Variants in ADAMTSL1 observed in about 807,000 individuals in gnomAD.
The protein encoded by ADAMTSL1 is ADAMTS-like protein 1.
Under a neutral mutation model 201.8 loss-of-function variants are expected in ADAMTSL1, and 126 were observed. The observed-to-expected ratio is 0.62, with a 90% CI of 0.54 to 0.72. ADAMTSL1 has a LOEUF of 0.72. Among genes scored for constraint, ADAMTSL1 ranks in the 30% least tolerant of loss-of-function variants. ADAMTSL1 has a pLI of 0.00. For missense variants in ADAMTSL1, 2,679 were observed against 2,277.8 expected, an observed-to-expected ratio of 1.18 and a Z score of -3.59; for synonymous variants, 1,121 against 903.4, an observed-to-expected ratio of 1.24 and a Z score of -4.32.
rs541032525 is a variant in ADAMTSL1 at position 18,782,920 on chromosome 9, G to A, written c.3677+5014G>A. Among the ~76,000 whole-genome samples the A allele has an allele frequency of 8.3e-4, 127 of 152,344 alleles. 1 individual carries two copies. Among genetic ancestry groups the A allele is most frequent in the African/African-American group, 2.9e-3 (121 of 41,576 alleles). On this transcript the variant is annotated intron_variant, in intron 19 of 28. Transcript: ENST00000380548. ...GAGGCAAAAGGTAGAGGTGGTATGG[G>A]ATGAGGTTGTGAGGGTAACTGGAGA...
chr9:17,987,087 TA>T (rs916969958), intron 1 of ADAMTSL1, among the ~76,000 whole-genome samples: 1 of 152,104 alleles, frequency 6.6e-6, no homozygotes, highest in Non-Finnish European at 1.5e-5. Flanking sequence ...TTAGTGAGAA[TA>T]ACTTCTTTTA....
chr9:18,550,204 C>A (rs969628620), intron 3 of ADAMTSL1, among the ~76,000 whole-genome samples: 2 of 151,952 alleles, frequency 1.3e-5, no homozygotes, highest in Non-Finnish European at 2.9e-5. Context: ...GTCCTGATCC[C>A]TGAAACTTGT....
Position 18,906,740 on chromosome 9 carries a change from G to T in ADAMTSL1, c.5010G>T (p.Trp1670Cys). ...GGTCAGAGGCCTGCAGTGTACACTGGAGAGTCAGCCTGTGGACCCTGTGCA... is the reference window on the plus strand; with the variant it reads ...GGTCAGAGGCCTGCAGTGTACACTGTAGAGTCAGCCTGTGGACCCTGTGCA... ...NCWSEACSVH[W>C]RVSLWTLCTA... Residue 1670 changes from tryptophan (W) to cysteine (C), a missense_variant, in exon 28 of 29, where the codon TGG (tryptophan) becomes TGT (cysteine). By Grantham distance (215) the Trp-to-Cys change is radical. Coordinates refer to ENST00000380548, the MANE Select transcript of ADAMTSL1 (RefSeq NM_001040272.6). The T allele has an allele frequency of 1.2e-6, 2 of 1,613,234 alleles. No homozygotes were observed. The highest frequency in any genetic ancestry group is 1.7e-6 in the Non-Finnish European group (2 of 1,179,544).
At chr9:18,078,641 G>T (rs898427790) in intron 1 of ADAMTSL1, among the ~76,000 whole-genome samples, 5 of 152,144 alleles carry the variant, frequency 3.3e-5, no homozygotes, top group Non-Finnish European at 5.9e-5. Flanking sequence ...TATTTTTGTG[G>T]TTTTTTCTAG....
intron 9 of ADAMTSL1, among the ~76,000 whole-genome samples, chr9:18,673,356 C>A (rs1253633859): frequency 2.0e-5 from 3 of 152,168 alleles, no homozygotes; most frequent in Non-Finnish European, 4.4e-5. Context: ...AGCCTATGTA[C>A]ACGAATATGT....
Position 18,275,478 on chromosome 9 carries a change from A to G in ADAMTSL1, c.207+111497A>G, listed in dbSNP as rs1263627163. Reference sequence around the variant, plus strand: ...GTTTCAGAACAATTTCATCAGCACAAAAAGTTCTCTTATTCTACTTACCAG... The same window carrying G: ...GTTTCAGAACAATTTCATCAGCACAGAAAGTTCTCTTATTCTACTTACCAG... On this transcript the variant is annotated intron_variant, in intron 2 of 29. Coordinates refer to the ADAMTSL1 transcript ENST00000680146. Among the ~76,000 whole-genome samples the G allele has an allele frequency of 2.6e-5, 4 of 152,296 alleles. No individual in the cohort carries two copies. In the South Asian group the frequency reaches 8.3e-4, roughly 32 times the overall value.
chr9:18,675,784 A>G (rs1830098017), intron 9 of ADAMTSL1, 73 bp from the exon 10 acceptor site: 1 of 1,331,334 alleles, frequency 7.5e-7, no homozygotes, highest in Admixed American at 1.9e-5. Flanking sequence ...AAATTTGTAT[A>G]ATGTAATCAT....
At chr9:18,191,033 T>A (rs964057445) in intron 2 of ADAMTSL1, among the ~76,000 whole-genome samples, 44 of 152,276 alleles carry the variant, frequency 2.9e-4, no homozygotes, top group East Asian at 1.9e-4. Flanking sequence ...CCTCTCATAA[T>A]TGTTTTTACA....
At chr9:18,175,201 T>C (rs1828087245) in intron 2 of ADAMTSL1, among the ~76,000 whole-genome samples, 1 of 152,176 alleles carries the variant, frequency 6.6e-6, no homozygotes, top group African/African-American at 2.4e-5. Context: ...CCTTGTCTTC[T>C]TGACCTTTAA....
At chr9:18,253,842 T>A (rs1831564271) in intron 2 of ADAMTSL1, among the ~76,000 whole-genome samples, 1 of 152,088 alleles carries the variant, frequency 6.6e-6, no homozygotes, top group South Asian at 2.1e-4. Context: ...CTACTAAAGC[T>A]GTAGTTCTTA....
At chr9:18,428,071 C>G (rs368270908) in intron 2 of ADAMTSL1, among the ~76,000 whole-genome samples, 1 of 152,134 alleles carries the variant, frequency 6.6e-6, no homozygotes, top group Non-Finnish European at 1.5e-5. Flanking sequence ...GAGGGCTACC[C>G]TTTGTTTTAA....
In ADAMTSL1 at chr9:18,775,827, A is replaced by G. The variant is rs768951955; in HGVS notation, c.2482A>G (p.Asn828Asp). 5.0e-6 allele frequency: 8 copies of G among 1,608,674 alleles called. No individual in the cohort carries two copies. In the South Asian group the frequency reaches 6.7e-5, roughly 13 times the overall value. ...MLKTGLSTVVNSTLCPPLPFS... is the reference protein window; with the variant it reads ...MLKTGLSTVVDSTLCPPLPFS... ...GAAAACCGGCCTCTCAACGGTTGTC[A>G]ATTCCACCCTGTGCCCGCCCCTGCC... The change falls in exon 18 of 29, where the codon AAT becomes GAT. Residue 828 changes from asparagine to aspartate, a missense_variant. Asn to Asp is a conservative substitution (Grantham distance 23, BLOSUM62 1). Coordinates refer to ENST00000380548, the MANE Select transcript of ADAMTSL1 (RefSeq NM_001040272.6).
intron 2 of ADAMTSL1, among the ~76,000 whole-genome samples, chr9:18,430,218 T>C (rs1194938878): frequency 6.6e-6 from 1 of 152,210 alleles, no homozygotes; most frequent in Admixed American, 6.5e-5. Flanking sequence ...GCATTCTTAA[T>C]AAGTGCCGGG....
chr9:18,186,244 G>A (rs1461706338), intron 2 of ADAMTSL1, among the ~76,000 whole-genome samples: 1 of 152,040 alleles, frequency 6.6e-6, no homozygotes, highest in African/African-American at 2.4e-5. Flanking sequence ...AGATCTTCTT[G>A]GTCTGTGAAA....
rs545164669 is a variant in ADAMTSL1 at position 18,266,211 on chromosome 9, T to C, written c.207+102230T>C. Among the ~76,000 whole-genome samples, 41 of 152,312 alleles carry C rather than the reference T, an allele frequency of 2.7e-4. No individual in the cohort carries two copies. The South Asian group carries it at 8.5e-3, about 32-fold the overall frequency. On this transcript the variant is annotated intron_variant, in intron 2 of 29. Transcript: ENST00000680146. Reference sequence around the variant, plus strand: ...CTGCCTAGTAAAGCTTATTTTCTCATTTGTATTTCTTTGCTGGTGTAACTT... The same window carrying C: ...CTGCCTAGTAAAGCTTATTTTCTCACTTGTATTTCTTTGCTGGTGTAACTT...
At chr9:18,618,528 G>GAAA (rs71333051) in intron 4 of ADAMTSL1, among the ~76,000 whole-genome samples, 5,555 of 127,112 alleles carry the variant, frequency 0.044, 192 homozygotes, top group East Asian at 0.23. Flanking sequence ...GGGTATACAT[G>GAAA]AAAAAAAAAA....
intron 7 of ADAMTSL1, among the ~76,000 whole-genome samples, chr9:18,652,254 C>A (rs1587806562): frequency 6.6e-6 from 1 of 151,606 alleles, no homozygotes; most frequent in Non-Finnish European, 1.5e-5. Flanking sequence ...CATCTGTGAT[C>A]CCAGCTACTC....
At position 18,114,190 on chromosome 9, in the gene ADAMTSL1, AAATCATT is replaced by A. The variant is rs753778241; in HGVS notation, c.88-49670_88-49664del. On this transcript the variant is annotated intron_variant, in intron 1 of 29. Transcript: ENST00000680146. ...TACTCATTGGATTTCACGTTGAAAA[AAATCATT>A]AGTGACAGCACTTTTCATGAAATGA... is the stretch of plus-strand genomic sequence containing the variant. 7.9e-3 allele frequency among the ~76,000 whole-genome samples: 1,198 copies of A among 152,298 alleles called. 6 individuals carry two copies. The highest frequency in any genetic ancestry group is 0.034 in the Middle Eastern group (10 of 294).
intron 2 of ADAMTSL1, among the ~76,000 whole-genome samples, chr9:18,279,913 T>G (rs139364864): frequency 6.8e-6 from 1 of 146,860 alleles, no homozygotes; most frequent in African/African-American, 2.5e-5. Context: ...GGCCTGGAGG[T>G]GGATTATAAG....
Sources: gnomAD v4.1 joint callset for allele counts (sites outside exome capture counted in the v4.1 genomes callset) on GRCh38, gnomAD v4.1.1 for gene constraint, MANE v1.5 for transcripts, NCBI Gene and HGNC (gene_info 2026-07-23, HGNC 2026-07-21) for gene names.